The following KCNH1 variants were observed in gnomAD, a reference collection of about 807,000 sequenced individuals.
KCNH1 encodes potassium voltage-gated channel subfamily H member 1, also known as voltage-gated delayed rectifier potassium channel KCNH1.
KCNH1 carries 27 observed loss-of-function variants against 69.2 expected under a neutral mutation model. That is an observed-to-expected ratio of 0.39 (90% confidence interval 0.29 to 0.54). The LOEUF is 0.54. Among genes scored for constraint, KCNH1 ranks in the 20% least tolerant of loss-of-function variants. The probability of loss-of-function intolerance (pLI) is 0.68; values close to 1 mark genes in which losing one functional copy is unlikely to be tolerated. For missense variants in KCNH1, 798 were observed against 1,261.6 expected (o/e 0.63, Z 5.57); for synonymous variants, 456 against 487.7 (o/e 0.93, Z 0.86).
intron 6 of KCNH1, among the ~76,000 whole-genome samples, chr1:210,921,552 C>T (rs1396433141): frequency 6.6e-6 from 1 of 152,126 alleles, no homozygotes; most frequent in East Asian, 1.9e-4. Flanking sequence ...AGAGATCCAC[C>T]AAGGCTTTTC....
At chr1:211,117,138 A>G (rs1193116155) in intron 1 of KCNH1, among the ~76,000 whole-genome samples, 1 of 152,130 alleles carries the variant, frequency 6.6e-6, no homozygotes, top group Admixed American at 6.5e-5. Context: ...CTTTTAGAAC[A>G]CTGCTGATGC....
intron 3 of KCNH1, among the ~76,000 whole-genome samples, chr1:211,100,306 T>C (rs899792984): frequency 5.3e-5 from 8 of 152,162 alleles, no homozygotes; most frequent in African/African-American, 1.9e-4. Flanking sequence ...TGACTGGCCC[T>C]TCCTAGTCTC....
intron 7 of KCNH1, among the ~76,000 whole-genome samples, chr1:210,918,274 T>C (rs949746277): frequency 6.6e-6 from 1 of 152,316 alleles, no homozygotes; most frequent in African/African-American, 2.4e-5. Flanking sequence ...TAACAATTTG[T>C]CAACTCCACC....
chr1:210,867,441 T>C (rs1221949864), intron 7 of KCNH1, among the ~76,000 whole-genome samples: 2 of 151,656 alleles, frequency 1.3e-5, no homozygotes, highest in Non-Finnish European at 2.9e-5. Context: ...CACCCACAGA[T>C]ACTCCTCTGC....
Position 210,797,536 on chromosome 1 carries a change from G to T in KCNH1, c.1887C>A (p.Ile629=). 1 of 1,614,130 alleles carries T rather than the reference G, an allele frequency of 6.2e-7. No individual in the cohort carries two copies. The highest frequency in any genetic ancestry group is 2.2e-5 in the East Asian group (1 of 44,870). The change falls in exon 9 of 11, where the codon ATC becomes ATA. Residue 629 remains isoleucine (I), a synonymous_variant. Coordinates refer to ENST00000271751, the MANE Select transcript of KCNH1 (RefSeq NM_172362.3). The part of the protein sequence containing the change: ...CFVVSGSLEV[I]QDDEVVAILG... The stretch of plus-strand genomic sequence containing the variant: ...GAATGGCCACCACCTCATCATCTTG[G>T]ATCACCTCCAGGGAGCCAGAAACCA...
At chr1:210,711,084 C>G (rs111498007) in intron 10 of KCNH1, among the ~76,000 whole-genome samples, 10 of 152,328 alleles carry the variant, frequency 6.6e-5, no homozygotes, top group Admixed American at 2.6e-4. Flanking sequence ...CCAAATCTCC[C>G]TTTATTTTGG....
chr1:210,778,739 T>C (rs1683913807), intron 9 of KCNH1, among the ~76,000 whole-genome samples: 2 of 152,096 alleles, frequency 1.3e-5, no homozygotes, highest in African/African-American at 4.8e-5. Context: ...AAACCTGCAG[T>C]CTCCTATTGG....
At chr1:210,799,555 T>C (rs1009134303) in intron 8 of KCNH1, among the ~76,000 whole-genome samples, 1 of 152,178 alleles carries the variant, frequency 6.6e-6, no homozygotes, top group Non-Finnish European at 1.5e-5. Context: ...CAATAAAACA[T>C]TGCATGGCCC....
chr1:211,063,650 A>G (rs892899591), intron 5 of KCNH1: 7 of 152,292 alleles, frequency 4.6e-5, no homozygotes, highest in African/African-American at 1.7e-4. Flanking sequence ...CTGAGGCAGG[A>G]GAATCCCTTG....
intron 7 of KCNH1, chr1:210,858,627 T>G (rs1303958513): frequency 6.5e-6 from 1 of 154,196 alleles, no homozygotes; most frequent in Non-Finnish European, 1.4e-5. Context: ...ATAGGAACAA[T>G]GAAGAATAAA....
At chr1:210,870,988 G>C (rs755834623) in intron 7 of KCNH1, among the ~76,000 whole-genome samples, 3 of 152,090 alleles carry the variant, frequency 2.0e-5, no homozygotes, top group Non-Finnish European at 2.9e-5. Context: ...CCATACTTAT[G>C]GAATAGGGAA....
chr1:210,913,030 G>T (rs1213822609), intron 7 of KCNH1, among the ~76,000 whole-genome samples: 1 of 152,226 alleles, frequency 6.6e-6, no homozygotes, highest in Non-Finnish European at 1.5e-5. Context: ...AAGTGACAGA[G>T]GGTTATGAAC....
intron 7 of KCNH1, among the ~76,000 whole-genome samples, chr1:210,815,140 C>G (rs776457971): frequency 3.9e-5 from 6 of 152,172 alleles, no homozygotes; most frequent in Non-Finnish European, 8.8e-5. Context: ...ATCAGAATCT[C>G]TGGGGGTGAG....
intron 9 of KCNH1, among the ~76,000 whole-genome samples, chr1:210,792,366 T>C (rs1311664080): frequency 6.6e-6 from 1 of 152,220 alleles, no homozygotes; most frequent in African/African-American, 2.4e-5. Flanking sequence ...TGTGAGGCTC[T>C]TCAAAGCCTA....
intron 3 of KCNH1, among the ~76,000 whole-genome samples, chr1:211,096,377 T>C (rs1691154643): frequency 6.6e-6 from 1 of 152,184 alleles, no homozygotes; most frequent in African/African-American, 2.4e-5. Context: ...AAACTATCAC[T>C]TTCCTTTCTT....
chr1:210,702,907 A>T (rs1681819565), intron 10 of KCNH1, among the ~76,000 whole-genome samples: 1 of 151,824 alleles, frequency 6.6e-6, no homozygotes, highest in Non-Finnish European at 1.5e-5. Flanking sequence ...CTTATCTGCT[A>T]CTTTCTCTTC....
At chr1:210,959,863 C>A (rs1316403388) in intron 6 of KCNH1, among the ~76,000 whole-genome samples, 1 of 152,220 alleles carries the variant, frequency 6.6e-6, no homozygotes, top group Non-Finnish European at 1.5e-5. Context: ...TTGCACTTCC[C>A]AGGTGAGGCA....
chr1:211,117,442 T>C (rs1691602177), intron 1 of KCNH1, among the ~76,000 whole-genome samples: 4 of 152,150 alleles, frequency 2.6e-5, no homozygotes. Context: ...CTTCTGCTCC[T>C]GTGTTCTTGG....
intron 7 of KCNH1, among the ~76,000 whole-genome samples, chr1:210,863,923 T>A (rs1357524894): frequency 1.3e-5 from 2 of 152,300 alleles, no homozygotes. Context: ...TTTTTGGAGC[T>A]CCCGATCATA....
Sources: allele counts gnomAD v4.1 joint callset (sites outside exome capture counted in the v4.1 genomes callset), GRCh38; gene constraint gnomAD v4.1.1; transcripts MANE v1.5; gene names NCBI Gene and HGNC (gene_info 2026-07-23, HGNC 2026-07-21).